Variants in MACROD2 observed in about 807,000 individuals in gnomAD.
The protein encoded by MACROD2 is mono-ADP ribosylhydrolase 2, also known as ADP-ribose glycohydrolase MACROD2.
Under a neutral mutation model 70.4 loss-of-function variants are expected in MACROD2, and 36 were observed. That is an observed-to-expected ratio of 0.51 (90% CI 0.39 to 0.68). The LOEUF is 0.68. Among genes scored for constraint, MACROD2 ranks in the 30% least tolerant of loss-of-function variants. The pLI is 0.00. For synonymous variants in MACROD2, 172 were observed against 178.8 expected (o/e 0.96, Z 0.30); for missense variants, 496 against 538.4 (o/e 0.92, Z 0.78).
chr20:15,754,178 A>T (rs1201426526), intron 8 of MACROD2, among the ~76,000 whole-genome samples: 2 of 152,240 alleles, frequency 1.3e-5, no homozygotes, highest in African/African-American at 2.4e-5. Flanking sequence ...TACTTATTGA[A>T]AAGTGAAATA....
chr20:15,444,739 A>G (rs2046539312), intron 7 of MACROD2, among the ~76,000 whole-genome samples: 1 of 152,078 alleles, frequency 6.6e-6, no homozygotes, highest in Non-Finnish European at 1.5e-5. Context: ...AAATTGCTTA[A>G]TCTTCCTAGG....
At chr20:15,312,868 ACT>A (rs1323337441) in intron 6 of MACROD2, among the ~76,000 whole-genome samples, 1 of 152,188 alleles carries the variant, frequency 6.6e-6, no homozygotes, top group Non-Finnish European at 1.5e-5. Context: ...TATGTGATAC[ACT>A]GACTTGAATA....
chr20:15,970,525 GCC>G (rs2066214191), intron 13 of MACROD2, among the ~76,000 whole-genome samples: 1 of 152,100 alleles, frequency 6.6e-6, no homozygotes, highest in Non-Finnish European at 1.5e-5. Context: ...AATGAGGTGA[GCC>G]CTGTGATTGC....
At chr20:16,032,763 GAGGA>G (rs1236564262) in intron 15 of MACROD2, among the ~76,000 whole-genome samples, 10 of 53,198 alleles carry the variant, frequency 1.9e-4, no homozygotes, top group African/African-American at 4.6e-4. Flanking sequence ...GGAGGGAAGA[GAGGA>G]AGGAAGAGAG....
intron 3 of MACROD2, among the ~76,000 whole-genome samples, chr20:14,211,103 C>G (rs889704683): frequency 6.6e-6 from 1 of 152,180 alleles, no homozygotes; most frequent in Non-Finnish European, 1.5e-5. Context: ...AGGAATTATA[C>G]AGCAAATGAG....
intron 12 of MACROD2, among the ~76,000 whole-genome samples, chr20:15,948,384 A>AAAAAAAAAAAAAAAAAAAAAAAAAAAAAG: frequency 1.7e-5 from 1 of 59,588 alleles, no homozygotes; most frequent in Non-Finnish European, 2.9e-5. Flanking sequence ...TGCAACTGCA[A>AAAAAAAAAAAAAAAAAAAAAAAAAAAAAG]AAAAAAAAAA....
chr20:15,375,162 GTCCA>G (rs1459465809), intron 6 of MACROD2, among the ~76,000 whole-genome samples: 22 of 152,232 alleles, frequency 1.4e-4, no homozygotes, highest in African/African-American at 4.6e-4. Flanking sequence ...AACTCAGAAA[GTCCA>G]TCCATCAGGT....
chr20:14,112,336 G>T (rs1045351431), intron 3 of MACROD2, among the ~76,000 whole-genome samples: 1 of 151,916 alleles, frequency 6.6e-6, no homozygotes. Flanking sequence ...TAGTAATTTA[G>T]TGGCACATTT....
chr20:14,091,587 T>G (rs921569058), intron 3 of MACROD2, among the ~76,000 whole-genome samples: 2 of 152,168 alleles, frequency 1.3e-5, no homozygotes, highest in African/African-American at 4.8e-5. Context: ...AACATCACAT[T>G]GTACCTCATA....
intron 5 of MACROD2, among the ~76,000 whole-genome samples, chr20:15,134,413 T>A (rs1193675581): frequency 6.6e-6 from 1 of 151,724 alleles, no homozygotes; most frequent in African/African-American, 2.4e-5. Flanking sequence ...ATTAAGAAAC[T>A]CACTCAAAGC....
At chr20:14,105,810 C>G (rs922698643) in intron 3 of MACROD2, among the ~76,000 whole-genome samples, 12 of 152,162 alleles carry the variant, frequency 7.9e-5, no homozygotes, top group African/African-American at 2.9e-4. Flanking sequence ...GATACCAGCT[C>G]AGCCACAGTA....
chr20:15,920,694 G>T (rs1327075742), intron 10 of MACROD2, among the ~76,000 whole-genome samples: 1 of 152,180 alleles, frequency 6.6e-6, no homozygotes, highest in Admixed American at 6.5e-5. Context: ...CTGACAGCTT[G>T]CCTTTAGCCG....
At chr20:15,060,618 T>C (rs1460497814) in intron 5 of MACROD2, among the ~76,000 whole-genome samples, 1 of 152,150 alleles carries the variant, frequency 6.6e-6, no homozygotes, top group Non-Finnish European at 1.5e-5. Context: ...CCCACAACTG[T>C]ATAAAGTCTG....
At chr20:15,237,121 G>A (rs1324611692) in intron 6 of MACROD2, among the ~76,000 whole-genome samples, 2 of 152,082 alleles carry the variant, frequency 1.3e-5, no homozygotes, top group Non-Finnish European at 2.9e-5. Flanking sequence ...ATGTTTTAAC[G>A]TTTTGCCAGA....
chr20:14,477,592 A>C (rs914823358), intron 3 of MACROD2, among the ~76,000 whole-genome samples: 2 of 152,186 alleles, frequency 1.3e-5, no homozygotes, highest in African/African-American at 4.8e-5. Context: ...TAAAGAAAAA[A>C]TTGTTTTCAG....
chr20:15,897,848 G>A (rs2064997261), intron 10 of MACROD2, among the ~76,000 whole-genome samples: 1 of 152,014 alleles, frequency 6.6e-6, no homozygotes, highest in Non-Finnish European at 1.5e-5. Context: ...GCAAACTTCT[G>A]CACTTGGTTA....
chr20:15,684,231 T>C (rs1434863187), intron 8 of MACROD2, among the ~76,000 whole-genome samples: 2 of 152,210 alleles, frequency 1.3e-5, no homozygotes, highest in Admixed American at 1.3e-4. Context: ...ATCCTCATTG[T>C]GGCCATATGC....
chr20:15,448,510 T>C (rs993316008), intron 7 of MACROD2, among the ~76,000 whole-genome samples: 1 of 152,152 alleles, frequency 6.6e-6, no homozygotes, highest in Non-Finnish European at 1.5e-5. Context: ...TGTCTGGTTT[T>C]CCTCACCGTT....
At chr20:14,436,683 G>GAC (rs2084059859) in intron 3 of MACROD2, among the ~76,000 whole-genome samples, 1 of 152,228 alleles carries the variant, frequency 6.6e-6, no homozygotes, top group Non-Finnish European at 1.5e-5. Flanking sequence ...CTGTAGGCTT[G>GAC]ACAAGTACAA....
Sources: gnomAD v4.1 joint callset for allele counts (sites outside exome capture counted in the v4.1 genomes callset) on GRCh38, gnomAD v4.1.1 for gene constraint, MANE v1.5 for transcripts, NCBI Gene and HGNC (gene_info 2026-07-23, HGNC 2026-07-21) for gene names.